ASPH: variants seen among roughly 807,000 people sequenced by gnomAD.
The protein encoded by ASPH is aspartyl/asparaginyl beta-hydroxylase.
Under a neutral mutation model 118.4 loss-of-function variants are expected in ASPH, and 100 were observed. The observed-to-expected ratio is 0.84, with a 90% CI of 0.72 to 1.00. ASPH has a LOEUF of 1.00. Ranked by LOEUF, ASPH falls within the 50% of genes least tolerant of loss-of-function variation. ASPH has a pLI of 0.00. For synonymous variants in ASPH, 315 were observed against 325.6 expected, an observed-to-expected ratio of 0.97 and a Z score of 0.35; for missense variants, 920 against 919.5, an observed-to-expected ratio of 1.00 and a Z score of -0.01.
At chr8:61,597,906 A>G (rs530791891) in intron 14 of ASPH, among the ~76,000 whole-genome samples, 78 of 152,364 alleles carry the variant, frequency 5.1e-4, no homozygotes, top group Admixed American at 1.7e-3. Context: ...AAGGAAAAGG[A>G]CAATATCTGC....
chr8:61,558,276 G>C lies in ASPH; in HGVS notation c.1438-2254C>G, dbSNP rs184845565. Among the ~76,000 whole-genome samples, 71 of 152,262 alleles carry C rather than the reference G, an allele frequency of 4.7e-4. No individual in the cohort carries two copies. In the East Asian group the frequency reaches 0.011, roughly 24 times the overall value. ...GAAAGGTATTTAGGGATAAATAGGA[G>C]TTCACCAGGAAAAGGAAGTGTGGGA... On this transcript the variant is annotated intron_variant, in intron 18 of 24. Transcript: ENST00000379454.
intron 3 of ASPH, among the ~76,000 whole-genome samples, chr8:61,670,052 A>C (rs1267781916): frequency 6.6e-6 from 1 of 152,162 alleles, no homozygotes; most frequent in Non-Finnish European, 1.5e-5. Context: ...TTCTGAACTT[A>C]AAAACATAGC....
chr8:61,624,092 G>A lies in ASPH; in HGVS notation c.935-5073C>T, dbSNP rs73267211. On this transcript the variant is annotated intron_variant, in intron 13 of 24. Coordinates refer to ENST00000379454, the MANE Select transcript of ASPH (RefSeq NM_004318.4). ...GTACAAAAATATAGTTATATACAAT[G>A]AATAAGATCTAGTATTTGATAGCAA... is the stretch of plus-strand genomic sequence containing the variant. The A allele has an allele frequency of 1.3e-3, 633 of 472,732 alleles. 1 individual carries two copies. Among genetic ancestry groups the A allele is most frequent in the African/African-American group, 0.013 (610 of 47,378 alleles). 29.3% of individuals were successfully genotyped at this position (472,732 alleles called of 1,614,324 possible). A position where few individuals can be genotyped will look rare whatever the true frequency, so the allele number is the denominator to read the frequency against.
intron 22 of ASPH, among the ~76,000 whole-genome samples, chr8:61,518,688 A>G (rs1296772501): frequency 6.6e-6 from 1 of 152,250 alleles, no homozygotes; most frequent in Non-Finnish European, 1.5e-5. Flanking sequence ...TATCGATACC[A>G]TAAGTTTACA....
intron 2 of ASPH, among the ~76,000 whole-genome samples, chr8:61,683,274 A>T (rs144185151): frequency 0.01 from 1,575 of 150,226 alleles, 12 homozygotes; most frequent in South Asian, 0.02. Context: ...TGAATATAGT[A>T]AAAAAAAACT....
At chr8:61,645,635 T>C (rs371964428) in intron 6 of ASPH, among the ~76,000 whole-genome samples, 4 of 152,216 alleles carry the variant, frequency 2.6e-5, no homozygotes, top group Non-Finnish European at 4.4e-5. Flanking sequence ...AAATAAATCA[T>C]ATAGATGTTC....
intron 14 of ASPH, among the ~76,000 whole-genome samples, chr8:61,615,894 A>G (rs1394375224): frequency 6.6e-6 from 1 of 152,158 alleles, no homozygotes; most frequent in Admixed American, 6.6e-5. Flanking sequence ...ATGTTTACAT[A>G]ATGTTTCCCT....
chr8:61,697,881 T>C (rs1834301868), intron 1 of ASPH, among the ~76,000 whole-genome samples: 1 of 152,128 alleles, frequency 6.6e-6, no homozygotes, highest in Admixed American at 6.5e-5. Context: ...CTTGAACTCC[T>C]AGCCTTGAAT....
In ASPH at chr8:61,586,707, A is replaced by T. The variant is rs111628075; in HGVS notation, c.977-2678T>A. 9.8e-3 allele frequency among the ~76,000 whole-genome samples: 1,494 copies of T among 152,302 alleles called. 32 individuals are homozygous for T. The highest frequency in any genetic ancestry group is 0.033 in the African/African-American group (1,392 of 41,568). ...TTGACCCCTCCACTCTCTCACCCAC[A>T]TGGAAAGAAGTGGATACTTATTTCG... On this transcript the variant is annotated intron_variant, in intron 14 of 24. Coordinates refer to ENST00000379454, the MANE Select transcript of ASPH (RefSeq NM_004318.4).
intron 13 of ASPH, among the ~76,000 whole-genome samples, chr8:61,626,687 C>T (rs2150630175): frequency 6.7e-6 from 1 of 148,924 alleles, no homozygotes; most frequent in East Asian, 2.0e-4. Flanking sequence ...AAATATATTG[C>T]TTTAAAAATT....
intron 24 of ASPH, among the ~76,000 whole-genome samples, chr8:61,507,784 C>T (rs1481459883): frequency 6.6e-6 from 1 of 152,198 alleles, no homozygotes; most frequent in East Asian, 1.9e-4. Flanking sequence ...GTGAACAAAG[C>T]TCCATCAAAT....
At chr8:61,517,688 C>T (rs761038377) in intron 23 of ASPH, 27 bp from the exon 24 acceptor site, 12 of 1,604,232 alleles carry the variant, frequency 7.5e-6, no homozygotes, top group East Asian at 6.7e-5. Context: ...ACACTCCATT[C>T]AGCCATTTAT....
At chr8:61,624,052 G>T in intron 13 of ASPH, 1 of 268,352 alleles carries the variant, frequency 3.7e-6, no homozygotes, top group Non-Finnish European at 5.7e-6. Context: ...AGCAGGAGGT[G>T]AAGATGGTTA....
chr8:61,568,493 T>C (rs1033394897), intron 16 of ASPH, among the ~76,000 whole-genome samples: 1 of 152,104 alleles, frequency 6.6e-6, no homozygotes, highest in Non-Finnish European at 1.5e-5. Context: ...GGGGGCAGTA[T>C]AGAATCAGGA....
intron 12 of ASPH, among the ~76,000 whole-genome samples, chr8:61,636,398 C>T (rs1857752911): frequency 6.6e-6 from 1 of 152,174 alleles, no homozygotes; most frequent in South Asian, 2.1e-4. Context: ...GACTCAAAAA[C>T]GAGTTCCATG....
intron 16 of ASPH, among the ~76,000 whole-genome samples, chr8:61,568,382 G>A (rs975363844): frequency 3.0e-4 from 46 of 152,276 alleles, no homozygotes; most frequent in African/African-American, 1.1e-3. Context: ...TGTGAGAAAG[G>A]GGGAGAGAGA....
intron 1 of ASPH, among the ~76,000 whole-genome samples, chr8:61,704,214 A>C (rs1835975221): frequency 1.4e-5 from 2 of 146,094 alleles, no homozygotes; most frequent in South Asian, 2.2e-4. Context: ...AAAAAAAAAA[A>C]AAAAAAAAAA....
At chr8:61,698,459 T>C (rs952505360) in intron 1 of ASPH, among the ~76,000 whole-genome samples, 7 of 152,260 alleles carry the variant, frequency 4.6e-5, no homozygotes, top group Admixed American at 4.6e-4. Context: ...CATGCCCTCT[T>C]TGGGCACACT....
At chr8:61,638,073 C>T (rs1366523034) in intron 11 of ASPH, 70 bp from the exon 12 acceptor site, 2 of 1,443,062 alleles carry the variant, frequency 1.4e-6, no homozygotes, top group African/African-American at 2.9e-5. Context: ...ATTCACTCGC[C>T]TTCATTCAGA....
Sources: allele counts gnomAD v4.1 joint callset (sites outside exome capture counted in the v4.1 genomes callset), GRCh38; gene constraint gnomAD v4.1.1; transcripts MANE v1.5; gene names NCBI Gene and HGNC (gene_info 2026-07-23, HGNC 2026-07-21).